Variants in ZC3H6 observed in about 807,000 individuals in gnomAD.
ZC3H6 encodes the protein zinc finger CCCH domain-containing protein 6.
A neutral mutation model predicts 107.7 loss-of-function variants in ZC3H6; 40 were observed. The observed-to-expected ratio is 0.37, with a 90% CI of 0.29 to 0.48. ZC3H6 has a LOEUF of 0.48. ZC3H6 is among the 20% of genes least tolerant of loss of function. The pLI is 0.98. For synonymous variants in ZC3H6, 493 were observed against 487.9 expected (o/e 1.01, Z -0.14); for missense variants, 1,267 against 1,410.4 (o/e 0.90, Z 1.63).
chr2:112,300,802 A>G (rs1342229852), intron 2 of ZC3H6, among the ~76,000 whole-genome samples: 1 of 152,196 alleles, frequency 6.6e-6, no homozygotes, highest in Admixed American at 6.5e-5. Context: ...ATAGAGAATT[A>G]TGTGGATTTG....
intron 2 of ZC3H6, among the ~76,000 whole-genome samples, chr2:112,302,756 T>A (rs1257132810): frequency 6.6e-6 from 1 of 152,180 alleles, no homozygotes; most frequent in African/African-American, 2.4e-5. Context: ...TGGGCCAGAT[T>A]TATTTTATTT....
At chr2:112,284,767 G>T (rs2104693595) in intron 1 of ZC3H6, among the ~76,000 whole-genome samples, 1 of 152,252 alleles carries the variant, frequency 6.6e-6, no homozygotes, top group South Asian at 2.1e-4. Context: ...AAATGATTAT[G>T]TTGTACAGAA....
In ZC3H6 at chr2:112,331,157, AAAGAG is replaced by A; in HGVS notation, c.2242_2246del (p.Glu748LysfsTer2). ...CACTCCTACTGATCCAAGACTTGCT[AAAGAG>A]AAAAGTAAAGGAAACCAAGTGGTTG... On this transcript the variant is annotated frameshift_variant, in exon 12 of 12. Coordinates refer to ENST00000409871, the MANE Select transcript of ZC3H6 (RefSeq NM_198581.3). LOFTEE classifies it high-confidence loss of function. 1 of 1,613,704 alleles carries A rather than the reference AAAGAG, an allele frequency of 6.2e-7. No individual in the cohort carries two copies. Among genetic ancestry groups the A allele is most frequent in the Non-Finnish European group, 8.5e-7 (1 of 1,179,754 alleles).
intron 5 of ZC3H6, among the ~76,000 whole-genome samples, chr2:112,315,318 G>C (rs4516428): frequency 0.13 from 19,051 of 152,026 alleles, 1,357 homozygotes; most frequent in Non-Finnish European, 0.16. Flanking sequence ...AGGGCTATAA[G>C]ATTTCTTTTC....
rs759912192 is a variant in ZC3H6, at chr2:112,324,661, G to T, written c.1850G>T (p.Gly617Val). Residue 617 changes from glycine (G) to valine (V), a missense_variant and splice_region_variant, in exon 10 of 12, where the codon GGT becomes GTT. By Grantham distance (109) the Gly-to-Val change is moderately radical. Transcript: ENST00000409871. ...AATTTTCAGCCACCCAATAACTCTG[G>T]TGGTAAGTTTACTTTTTTGAAATAA... ...IHNFQPPNNS[G>V]DGMWHGEFAQ... The T allele has an allele frequency of 3.3e-5, 52 of 1,557,860 alleles. No homozygotes were observed. Among genetic ancestry groups the T allele is most frequent in the African/African-American group, 5.2e-5 (3 of 57,994 alleles).
intron 3 of ZC3H6, among the ~76,000 whole-genome samples, chr2:112,305,495 G>A (rs947010662): frequency 6.6e-6 from 1 of 151,958 alleles, no homozygotes; most frequent in Non-Finnish European, 1.5e-5. Context: ...TTAATATTAC[G>A]CTGACTATTA....
intron 1 of ZC3H6, 32 bp from the exon 2 acceptor site, chr2:112,299,814 AATG>A: frequency 1.5e-6 from 2 of 1,319,670 alleles, no homozygotes; most frequent in Non-Finnish European, 2.0e-6. Context: ...TTTGTTTTAG[AATG>A]ATATTTGAAA....
At chr2:112,276,311 C>G (rs932627740) in intron 1 of ZC3H6, among the ~76,000 whole-genome samples, 2 of 150,668 alleles carry the variant, frequency 1.3e-5, no homozygotes, top group African/African-American at 2.4e-5. Flanking sequence ...CCGTGTGCGC[C>G]GGGCGGCTCT....
intron 1 of ZC3H6, among the ~76,000 whole-genome samples, chr2:112,276,276 G>C (rs1686420422): frequency 6.7e-6 from 1 of 149,102 alleles, no homozygotes; most frequent in African/African-American, 2.4e-5. Flanking sequence ...GGGCACGTGC[G>C]AGCCCCCCGC....
intron 1 of ZC3H6, 67 bp downstream of exon 1, chr2:112,276,093 C>T (rs919960279): frequency 4.1e-6 from 6 of 1,470,446 alleles, no homozygotes; most frequent in East Asian, 2.6e-5. Flanking sequence ...CGGGAGCGGG[C>T]CGGGGCCGGG....
At position 112,338,236 on chromosome 2, in the gene ZC3H6, C is replaced by A. The variant is rs935305100; in HGVS notation, c.*5748C>A. 1.4e-4 allele frequency: 21 copies of A among 152,268 alleles called. No homozygotes were observed. The highest frequency in any genetic ancestry group is 4.1e-4 in the African/African-American group (17 of 41,446). The allele number at this position is 152,268 out of a possible 1,614,324, so 9.4% of individuals were successfully genotyped here. A position where few individuals can be genotyped will look rare whatever the true frequency, so the allele number is the denominator to read the frequency against. On this transcript the variant is annotated 3_prime_UTR_variant, in exon 12 of 12. Coordinates refer to ENST00000409871, the MANE Select transcript of ZC3H6 (RefSeq NM_198581.3). ...AAGTGCTGGGATTACAGGCGTGAGC[C>A]ACTGTGCCTGGCCAGTCTTTTATTT...
rs1447029204 is a variant in ZC3H6, at chr2:112,331,896, A to G, written c.2978A>G (p.Lys993Arg). 1.2e-6 allele frequency: 2 copies of G among 1,613,982 alleles called. No homozygotes were observed. Among genetic ancestry groups the G allele is most frequent in the African/African-American group, 2.7e-5 (2 of 75,058 alleles). The change falls in exon 12 of 12, where the codon AAG becomes AGG. Residue 993 changes from lysine to arginine, a missense_variant. Around this residue, in one of 3 missense-constraint regions of ZC3H6, gnomAD observed 925 missense variants for 1,025.7 expected, o/e 0.90. Transcript: ENST00000409871. ...GTTATGAAGGATTCACATGCATCAA[A>G]GGGTGCCCCTCACTTACCCAGATCA... Reference protein sequence around the residue: ...QVVMKDSHASKGAPHLPRSNP... With the variant: ...QVVMKDSHASRGAPHLPRSNP...
chr2:112,287,682 A>T (rs1686632335), intron 1 of ZC3H6, among the ~76,000 whole-genome samples: 2 of 152,276 alleles, frequency 1.3e-5, no homozygotes, highest in South Asian at 4.1e-4. Flanking sequence ...GCTCACTGCA[A>T]GCTCCACCTC....
rs1677196339 is a variant in ZC3H6, at chr2:112,339,082, TG to T, written c.*6598del. 1 of 151,582 alleles carries T rather than the reference TG, an allele frequency of 6.6e-6. No individual in the cohort carries two copies. Among genetic ancestry groups the T allele is most frequent in the African/African-American group, 2.4e-5 (1 of 41,306 alleles). 9.4% of individuals were successfully genotyped at this position (151,582 alleles called of 1,614,324 possible). On this transcript the variant is annotated 3_prime_UTR_variant, in exon 12 of 12. Coordinates refer to ENST00000409871, the MANE Select transcript of ZC3H6 (RefSeq NM_198581.3). Reference sequence around the variant, plus strand: ...AATTTTTCGTATTTTTTAGTAGAGATGGGGTTTCACCATGTTGGCCAGGCTG... The same window carrying T: ...AATTTTTCGTATTTTTTAGTAGAGATGGGTTTCACCATGTTGGCCAGGCTG...
At chr2:112,316,960 G>A (rs1676708958) in intron 6 of ZC3H6, among the ~76,000 whole-genome samples, 1 of 152,158 alleles carries the variant, frequency 6.6e-6, no homozygotes. Context: ...AGCAAGAAAT[G>A]GTGAGTGCTG....
chr2:112,331,929 G>C lies in ZC3H6; in HGVS notation c.3011G>C (p.Gly1004Ala). Residue 1004 changes from glycine (G) to alanine (A), a missense_variant, in exon 12 of 12, where the codon GGT becomes GCT. Physicochemically the swap from Gly to Ala is moderately conservative, Grantham distance 60. This residue lies in a region of ZC3H6 where 925 missense variants were observed against 1,025.7 expected (regional missense o/e 0.90). Coordinates refer to ENST00000409871, the MANE Select transcript of ZC3H6 (RefSeq NM_198581.3). ...CCTCACTTACCCAGATCAAACCCTG[G>C]TTCATCACAGCCCTCAGGGGCAGGA... The part of the protein sequence containing the change: ...GAPHLPRSNP[G>A]SSQPSGAGTS... The C allele has an allele frequency of 6.2e-7, 1 of 1,613,972 alleles. No homozygotes were observed. Among genetic ancestry groups the C allele is most frequent in the Middle Eastern group, 1.7e-4 (1 of 6,060 alleles).
At chr2:112,307,011 C>T (rs1475016275) in intron 3 of ZC3H6, among the ~76,000 whole-genome samples, 1 of 152,156 alleles carries the variant, frequency 6.6e-6, no homozygotes, top group Admixed American at 6.5e-5. Context: ...CTGATGTCTA[C>T]AAACGGATTT....
Position 112,324,398 on chromosome 2 carries a change from A to G in ZC3H6, c.1587A>G (p.Gln529=). ...GTCCACCTGAAATTGTAGGTCCTCA[A>G]AATCAAGCTGGAGTGCTTGTTCAAC... is the stretch of plus-strand genomic sequence containing the variant. ...PPGPPEIVGP[Q]NQAGVLVQPD... Residue 529 remains glutamine, a synonymous_variant, in exon 10 of 12, where the codon CAA becomes CAG. Transcript: ENST00000409871. 6.2e-7 allele frequency: 1 copy of G among 1,614,016 alleles called. No homozygotes were observed. Among genetic ancestry groups the G allele is most frequent in the Non-Finnish European group, 8.5e-7 (1 of 1,179,884 alleles).
rs201215551 is a variant in ZC3H6, at chr2:112,332,149, T to G, written c.3231T>G (p.Ser1077Arg). ...AAAACTCAAAGAACCAGAAAAAAAG[T>G]GGTGGCTTAAAAAGTAGTGACAAAA... is the stretch of plus-strand genomic sequence containing the variant. Reference protein sequence around the residue: ...SGENSKNQKKSGGLKSSDKTE... With the variant: ...SGENSKNQKKRGGLKSSDKTE... Residue 1077 changes from serine to arginine, a missense_variant, in exon 12 of 12, where the codon AGT becomes AGG. Physicochemically the swap from Ser to Arg is moderately radical, Grantham distance 110. Around this residue, in one of 3 missense-constraint regions of ZC3H6, gnomAD observed 925 missense variants for 1,025.7 expected, o/e 0.90. Transcript: ENST00000409871. The G allele has an allele frequency of 6.2e-7, 1 of 1,613,814 alleles. No individual in the cohort carries two copies. The highest frequency in any genetic ancestry group is 8.5e-7 in the Non-Finnish European group (1 of 1,179,824).
Sources: gnomAD v4.1 joint callset for allele counts (sites outside exome capture counted in the v4.1 genomes callset) on GRCh38, gnomAD v4.1.1 for gene constraint, gnomAD v4.1.1 regional missense constraint, MANE v1.5 for transcripts, NCBI Gene and HGNC (gene_info 2026-07-23, HGNC 2026-07-21) for gene names.